The following NR5A2 variants were observed in gnomAD, a reference collection of about 807,000 sequenced individuals.
The protein encoded by NR5A2 is nuclear receptor subfamily 5 group A member 2, also known as CYP7A promoter-binding factor.
In NR5A2, 26 loss-of-function variants were observed where a neutral mutation model predicts 62.7. That is an observed-to-expected ratio of 0.41 (90% confidence interval 0.30 to 0.58). The LOEUF is 0.58. Among genes scored for constraint, NR5A2 ranks in the 20% least tolerant of loss-of-function variants. NR5A2 has a pLI of 0.22. For synonymous variants in NR5A2, 246 were observed against 241.7 expected (o/e 1.02, Z -0.16); for missense variants, 541 against 669.1 (o/e 0.81, Z 2.11).
rs756874909 is a variant in NR5A2 at position 200,066,588 on chromosome 1, C to CTTTTTTTTTTTTTTTTTTTTTTT, written c.1110+17787_1110+17788insTTTTTTTTTTTTTTTTTTTTTTT. The stretch of plus-strand genomic sequence containing the variant: ...CCCTGCCATCTATTTAATTAATTAT[C>CTTTTTTTTTTTTTTTTTTTTTTT]TTTTTTTTTTTTTTTTTGAGAGGGA... On this transcript the variant is annotated intron_variant, in intron 5 of 7. Transcript: ENST00000367362. Among the ~76,000 whole-genome samples the CTTTTTTTTTTTTTTTTTTTTTTT allele has an allele frequency of 1.8e-5, 2 of 113,144 alleles. 1 individual carries two copies. The highest frequency in any genetic ancestry group is 8.2e-5 in the African/African-American group (2 of 24,454). 74.2% of individuals were successfully genotyped at this position (113,144 alleles called of 152,430 possible). A position where few individuals can be genotyped will look rare whatever the true frequency, so the allele number is the denominator to read the frequency against.
At chr1:200,135,634 C>T (rs12033023) in intron 7 of NR5A2, among the ~76,000 whole-genome samples, 7,132 of 152,128 alleles carry the variant, frequency 0.047, 207 homozygotes, top group African/African-American at 0.084. Context: ...GTGATGACTG[C>T]AAACTTGAAT....
intron 7 of NR5A2, among the ~76,000 whole-genome samples, chr1:200,154,082 T>C (rs1485148362): frequency 1.3e-5 from 2 of 152,226 alleles, no homozygotes; most frequent in Admixed American, 1.3e-4. Context: ...GATATTTTTG[T>C]TTTACAAATA....
chr1:200,133,689 G>A (rs1179518093), intron 7 of NR5A2, among the ~76,000 whole-genome samples: 2 of 150,488 alleles, frequency 1.3e-5, no homozygotes, highest in Non-Finnish European at 3.0e-5. Context: ...GACTATAATG[G>A]AGGTGAAAAA....
intron 7 of NR5A2, among the ~76,000 whole-genome samples, chr1:200,125,032 G>C (rs550615567): frequency 5.3e-5 from 8 of 152,304 alleles, no homozygotes; most frequent in African/African-American, 1.7e-4. Context: ...ATTTTTCAGA[G>C]ACCACTTTTT....
chr1:200,099,544 A>G (rs1665268163), intron 5 of NR5A2, among the ~76,000 whole-genome samples: 1 of 152,108 alleles, frequency 6.6e-6, no homozygotes, highest in Non-Finnish European at 1.5e-5. Context: ...AATTTATGCC[A>G]TAATCACTGA....
chr1:200,124,997 T>G (rs1157211551), intron 7 of NR5A2, among the ~76,000 whole-genome samples: 1 of 152,198 alleles, frequency 6.6e-6, no homozygotes, highest in Non-Finnish European at 1.5e-5. Flanking sequence ...GTGGTTTAGC[T>G]AAAAGCCGTA....
At chr1:200,053,569 G>GCACA (rs34611924) in intron 5 of NR5A2, among the ~76,000 whole-genome samples, 24,782 of 141,646 alleles carry the variant, frequency 0.17, 2,392 homozygotes, top group East Asian at 0.38. Context: ...GCATGCACAC[G>GCACA]CACACACACA....
At position 200,122,706 on chromosome 1, in the gene NR5A2, C is replaced by T. The variant is rs192623959; in HGVS notation, c.1378+1751C>T. On this transcript the variant is annotated intron_variant, in intron 7 of 7. Transcript: ENST00000367362. ...TGTTTAATGAGCACTTCGATTGTTT[C>T]AGGAGCCCAGTACACCAGTGAATAG... Among the ~76,000 whole-genome samples, 345 of 152,296 alleles carry T rather than the reference C, an allele frequency of 2.3e-3. 1 individual carries two copies. Among genetic ancestry groups the T allele is most frequent in the Non-Finnish European group, 3.4e-3 (230 of 68,028 alleles).
At position 200,133,536 on chromosome 1, in the gene NR5A2, TATATATATATACACATATATACACAC is replaced by T. The variant is rs1278497834; in HGVS notation, c.1378+12603_1378+12628del. ...ATATATATATATATATACACACACA[TATATATATATACACATATATACACAC>T]ATATATATATACACATATATATACA... On this transcript the variant is annotated intron_variant, in intron 7 of 7. Coordinates refer to ENST00000367362, the MANE Select transcript of NR5A2 (RefSeq NM_205860.3). 3.8e-4 allele frequency among the ~76,000 whole-genome samples: 16 copies of T among 42,350 alleles called. 2 individuals carry two copies. Among genetic ancestry groups the T allele is most frequent in the Non-Finnish European group, 3.4e-4 (6 of 17,592 alleles). 27.8% of individuals were successfully genotyped at this position (42,350 alleles called of 152,430 possible).
chr1:200,131,252 G>A (rs191812225), intron 7 of NR5A2, among the ~76,000 whole-genome samples: 1 of 152,046 alleles, frequency 6.6e-6, no homozygotes, highest in Admixed American at 6.5e-5. Context: ...TTTTCTTCCA[G>A]TGAGCAAAGC....
chr1:200,116,412 G>C (rs1257703758), intron 6 of NR5A2, among the ~76,000 whole-genome samples: 1 of 152,150 alleles, frequency 6.6e-6, no homozygotes, highest in African/African-American at 2.4e-5. Context: ...TTGCTCCTTG[G>C]AGCTTGAAAA....
chr1:200,098,888 T>C (rs1665232837), intron 5 of NR5A2, among the ~76,000 whole-genome samples: 1 of 152,214 alleles, frequency 6.6e-6, no homozygotes, highest in Non-Finnish European at 1.5e-5. Context: ...CCACTAAATA[T>C]TCTACACTAT....
intron 5 of NR5A2, among the ~76,000 whole-genome samples, chr1:200,072,995 C>A (rs1343681435): frequency 6.6e-6 from 1 of 152,088 alleles, no homozygotes; most frequent in Admixed American, 6.6e-5. Context: ...GATGTTTCCT[C>A]TAGGTGACAC....
At position 200,175,869 on chromosome 1, in the gene NR5A2, CTTAA is replaced by C. The variant is rs1558185668; in HGVS notation, c.*1662_*1665del. The stretch of plus-strand genomic sequence containing the variant: ...AAAAAATAAAAGTATCTCCTAGTCC[CTTAA>C]TTTTTTCATAAATATTTCTGGCTTT... On this transcript the variant is annotated 3_prime_UTR_variant, in exon 8 of 8. Transcript: ENST00000367362. 1.3e-5 allele frequency: 2 copies of C among 152,646 alleles called. No homozygotes were observed. The highest frequency in any genetic ancestry group is 6.5e-5 in the Admixed American group (1 of 15,292). The allele number at this position is 152,646 out of a possible 1,614,324, so 9.5% of individuals were successfully genotyped here.
intron 7 of NR5A2, among the ~76,000 whole-genome samples, chr1:200,164,549 C>CA (rs1553280578): frequency 9.2e-4 from 128 of 139,618 alleles, no homozygotes; most frequent in Non-Finnish European, 1.6e-3. Flanking sequence ...TTTTAATAGA[C>CA]TTTTTTTTTT....
chr1:200,106,073 T>TC (rs1316022385), intron 5 of NR5A2, among the ~76,000 whole-genome samples: 1 of 151,756 alleles, frequency 6.6e-6, no homozygotes, highest in Non-Finnish European at 1.5e-5. Context: ...TCTTTTTTTT[T>TC]TTGAGACAGA....
chr1:200,166,580 G>C (rs766434381), intron 7 of NR5A2, among the ~76,000 whole-genome samples: 22 of 152,120 alleles, frequency 1.4e-4, no homozygotes, highest in Non-Finnish European at 2.6e-4. Flanking sequence ...TCCAACTCCA[G>C]CAAGTGACAG....
intron 1 of NR5A2, among the ~76,000 whole-genome samples, chr1:200,033,915 G>A (rs1228438868): frequency 1.3e-5 from 2 of 152,112 alleles, no homozygotes; most frequent in South Asian, 2.1e-4. Flanking sequence ...GCACCTCTGC[G>A]GTCCCGGCAC....
chr1:200,107,808 T>G (rs1196417186), intron 5 of NR5A2, among the ~76,000 whole-genome samples: 2 of 152,036 alleles, frequency 1.3e-5, no homozygotes, highest in East Asian at 3.9e-4. Flanking sequence ...CCTGGCTAGT[T>G]TTTTAAGAGA....
Sources: gnomAD v4.1 joint callset for allele counts (sites outside exome capture counted in the v4.1 genomes callset) on GRCh38, gnomAD v4.1.1 for gene constraint, MANE v1.5 for transcripts, NCBI Gene and HGNC (gene_info 2026-07-23, HGNC 2026-07-21) for gene names.